The following CAMKK2 variants were observed in gnomAD, a reference collection of about 807,000 sequenced individuals.
CAMKK2 encodes calcium/calmodulin-dependent protein kinase kinase 2.
A neutral mutation model predicts 67.2 loss-of-function variants in CAMKK2; 30 were observed. The observed-to-expected ratio is 0.45, with a 90% confidence interval of 0.33 to 0.61. CAMKK2 has a LOEUF of 0.61. Ranked by LOEUF, CAMKK2 falls within the 20% of genes least tolerant of loss-of-function variation. The pLI is 0.02. For synonymous variants in CAMKK2, 322 were observed against 326.2 expected, an observed-to-expected ratio of 0.99 and a Z score of 0.14; for missense variants, 643 against 802.0, an observed-to-expected ratio of 0.80 and a Z score of 2.39.
chr12:121,255,250 T>TTATATATAATTTTA lies in CAMKK2; in HGVS notation c.907+299_907+300insTAAAATTATATATA, dbSNP rs1566058370. Among the ~76,000 whole-genome samples the TTATATATAATTTTA allele has an allele frequency of 2.2e-3, 83 of 38,382 alleles. 9 individuals are homozygous for TTATATATAATTTTA. Among genetic ancestry groups the TTATATATAATTTTA allele is most frequent in the African/African-American group, 8.1e-3 (81 of 10,040 alleles). 25.2% of individuals were successfully genotyped at this position (38,382 alleles called of 152,430 possible). On this transcript the variant is annotated intron_variant, in intron 9 of 16. Transcript: ENST00000404169. The stretch of plus-strand genomic sequence containing the variant: ...TATATATAATTTTATATATATATAA[T>TTATATATAATTTTA]TATATATATAATTTTATATATATAT...
intron 9 of CAMKK2, among the ~76,000 whole-genome samples, chr12:121,254,458 G>GA (rs1593316674): frequency 6.6e-6 from 1 of 151,572 alleles, no homozygotes; most frequent in Non-Finnish European, 1.5e-5. Flanking sequence ...AATCTCAAAG[G>GA]AAAAAAAGAG....
chr12:121,277,909 G>A (rs1165715419), intron 1 of CAMKK2, among the ~76,000 whole-genome samples: 1 of 152,236 alleles, frequency 6.6e-6, no homozygotes, highest in Non-Finnish European at 1.5e-5. Context: ...ACAGGTTGCA[G>A]TGAGGCGAGA....
intron 1 of CAMKK2, among the ~76,000 whole-genome samples, chr12:121,281,999 G>C (rs1897890216): frequency 6.6e-6 from 1 of 152,124 alleles, no homozygotes; most frequent in Non-Finnish European, 1.5e-5. Flanking sequence ...TGGGGCAGAA[G>C]ACCAGGATAT....
rs938882385 is a variant in CAMKK2 at position 121,240,323 on chromosome 12, C to A, written c.*376G>T. On this transcript the variant is annotated 3_prime_UTR_variant, in exon 17 of 17. Coordinates refer to ENST00000404169, the MANE Select transcript of CAMKK2 (RefSeq NM_001270485.2). This position sits in a 1 kb window ranked among gnomAD's most constrained non-coding sequence, Gnocchi z 4.4. ...CCTCAGACCGCCGGAGTTTTCTGCT[C>A]GCCTTTCCACAGTTGTCAAACCCCA... The A allele has an allele frequency of 5.8e-6, 6 of 1,036,366 alleles. No individual in the cohort carries two copies. The highest frequency in any genetic ancestry group is 5.6e-5 in the Admixed American group (2 of 35,862). The allele number at this position is 1,036,366 out of a possible 1,614,324, so 64.2% of individuals were successfully genotyped here.
chr12:121,276,384 C>T (rs997901905), intron 1 of CAMKK2, among the ~76,000 whole-genome samples: 1 of 152,086 alleles, frequency 6.6e-6, no homozygotes, highest in African/African-American at 2.4e-5. Flanking sequence ...AGGAGAATCA[C>T]TTGAATCCGG....
chr12:121,274,391 G>A lies in CAMKK2; in HGVS notation c.136C>T (p.His46Tyr). 6.2e-7 allele frequency: 1 copy of A among 1,613,432 alleles called. No individual in the cohort carries two copies. Among genetic ancestry groups the A allele is most frequent in the Non-Finnish European group, 8.5e-7 (1 of 1,179,934 alleles). ...ACAATGAAGGACTCCATGCCCAGGT[G>A]GATGCTCAAGGATGAGAGGCCCCGC... ...ALRGLSSLSI[H>Y]LGMESFIVVT... is the part of the protein sequence containing the mutation. The change falls in exon 2 of 17, where the codon CAC becomes TAC. Residue 46 changes from histidine to tyrosine, a missense_variant. Coordinates refer to ENST00000404169, the MANE Select transcript of CAMKK2 (RefSeq NM_001270485.2).
At chr12:121,270,248 T>C (rs974913948) in intron 3 of CAMKK2, among the ~76,000 whole-genome samples, 1 of 151,664 alleles carries the variant, frequency 6.6e-6, no homozygotes, top group African/African-American at 2.4e-5. Context: ...TGCACACCTG[T>C]ACTCCCAACT....
intron 7 of CAMKK2, among the ~76,000 whole-genome samples, chr12:121,258,365 C>T (rs2136282830): frequency 6.6e-6 from 1 of 152,240 alleles, no homozygotes; most frequent in African/African-American, 2.4e-5. Context: ...CAGGGTCTTA[C>T]TCTGTCGCCC....
intron 2 of CAMKK2, 147 bp from the exon 3 acceptor site, chr12:121,271,092 TG>T: frequency 1.5e-6 from 1 of 650,198 alleles, no homozygotes; most frequent in Non-Finnish European, 2.7e-6. Flanking sequence ...CTGGCCAACA[TG>T]GTGAAATCCC....
Position 121,248,712 on chromosome 12 carries a change from T to C in CAMKK2, c.1346A>G (p.His449Arg), listed in dbSNP as rs781339939. 11 of 1,614,128 alleles carry C rather than the reference T, an allele frequency of 6.8e-6. No individual in the cohort carries two copies. The South Asian group carries it at 7.7e-5, about 11-fold the overall frequency. ...CTCCGACGGCAACGGCTCCGCCCCA[T>C]GCCTCGTGACCCAGGGGTGCAGCTT... ...EIKLHPWVTRHGAEPLPSEDE... is the reference protein window; with the variant it reads ...EIKLHPWVTRRGAEPLPSEDE... Residue 449 changes from histidine to arginine, a missense_variant, in exon 14 of 17, where the codon CAT becomes CGT. This residue lies in a region of CAMKK2 where 483 missense variants were observed against 625.8 expected (regional missense o/e 0.77). Transcript: ENST00000404169.
intron 1 of CAMKK2, among the ~76,000 whole-genome samples, chr12:121,289,005 A>G (rs1020669630): frequency 7.9e-5 from 12 of 152,098 alleles, no homozygotes; most frequent in African/African-American, 2.4e-4. Flanking sequence ...CTCACCTGGG[A>G]CAGGAACCAA....
intron 1 of CAMKK2, among the ~76,000 whole-genome samples, chr12:121,282,135 G>C (rs535934890): frequency 3.3e-5 from 5 of 152,206 alleles, no homozygotes; most frequent in Admixed American, 2.6e-4. Context: ...AAAGGAGCAG[G>C]AACTTGTTCC....
chr12:121,251,914 C>T (rs1890817278), intron 11 of CAMKK2, among the ~76,000 whole-genome samples: 1 of 152,074 alleles, frequency 6.6e-6, no homozygotes, highest in African/African-American at 2.4e-5. Context: ...AAACAGCACT[C>T]CCTAAATCAA....
At chr12:121,256,954 A>G (rs1298962145) in intron 7 of CAMKK2, among the ~76,000 whole-genome samples, 1 of 152,012 alleles carries the variant, frequency 6.6e-6, no homozygotes, top group African/African-American at 2.4e-5. Flanking sequence ...GTCACGTGGT[A>G]TAGTTATTTA....
intron 2 of CAMKK2, among the ~76,000 whole-genome samples, chr12:121,272,875 C>T (rs924775588): frequency 6.6e-6 from 1 of 151,904 alleles, no homozygotes; most frequent in Non-Finnish European, 1.5e-5. Flanking sequence ...TCTGTCTCAA[C>T]AACAACAACA....
At chr12:121,265,485 C>T (rs2136343326) in intron 5 of CAMKK2, among the ~76,000 whole-genome samples, 1 of 152,126 alleles carries the variant, frequency 6.6e-6, no homozygotes, top group African/African-American at 2.4e-5. Context: ...AAACCTAATC[C>T]CCAACGTGAT....
rs377318980 is a variant in CAMKK2, at chr12:121,265,594, C to T, written c.626-1655G>A. Among the ~76,000 whole-genome samples, 21 of 152,176 alleles carry T rather than the reference C, an allele frequency of 1.4e-4. No individual in the cohort carries two copies. The East Asian group carries it at 1.7e-3, about 13-fold the overall frequency. ...GTTATAAAAGAGACCTCAGGCTGGG[C>T]GCAGTGGCTCAGGCCTGTAATCCAA... On this transcript the variant is annotated intron_variant, in intron 5 of 16. Transcript: ENST00000404169.
intron 5 of CAMKK2, among the ~76,000 whole-genome samples, chr12:121,264,980 C>CA (rs1555255382): frequency 4.8e-5 from 7 of 147,348 alleles, no homozygotes; most frequent in South Asian, 2.2e-4. Context: ...AAACAAAAAA[C>CA]AAAAAAAACA....
chr12:121,271,729 TG>T (rs1250027886), intron 2 of CAMKK2, among the ~76,000 whole-genome samples: 1 of 152,180 alleles, frequency 6.6e-6, no homozygotes, highest in Non-Finnish European at 1.5e-5. Context: ...CTTTTTGAGA[TG>T]GAGTTTTGCT....
Sources: allele counts gnomAD v4.1 joint callset (sites outside exome capture counted in the v4.1 genomes callset), GRCh38; gene constraint gnomAD v4.1.1; regional missense constraint gnomAD v4.1.1; non-coding constraint Gnocchi (gnomAD v3.1); transcripts MANE v1.5; gene names NCBI Gene and HGNC (gene_info 2026-07-23, HGNC 2026-07-21).